The following KIF25 variants were observed in gnomAD, a reference collection of about 807,000 sequenced individuals.
The protein encoded by KIF25 is kinesin family member 25.
Under a neutral mutation model 32.9 loss-of-function variants are expected in KIF25, and 19 were observed. The observed-to-expected ratio is 0.58, with a 90% CI of 0.40 to 0.85. The LOEUF is 0.85. Ranked by LOEUF, KIF25 falls within the 40% of genes least tolerant of loss-of-function variation. KIF25 has a pLI of 0.00. For synonymous variants in KIF25, 225 were observed against 213.7 expected (o/e 1.05, Z -0.46); for missense variants, 485 against 507.0 (o/e 0.96, Z 0.42).
rs56243912 is a variant in KIF25 at position 168,024,423 on chromosome 6, C to CTTTTTT, written c.-94-5044_-94-5039dup. ...GAATAATCTTAGTAAAAACCTCTCT[C>CTTTTTT]TTTTTTTTTTTTTTTTTTTTTTTTT... On this transcript the variant is annotated intron_variant, in intron 5 of 12. Coordinates refer to ENST00000643607, the MANE Select transcript of KIF25 (RefSeq NM_030615.4). Among the ~76,000 whole-genome samples the CTTTTTT allele has an allele frequency of 9.8e-4, 61 of 61,994 alleles. 5 individuals carry two copies. Among genetic ancestry groups the CTTTTTT allele is most frequent in the African/African-American group, 2.6e-3 (39 of 14,800 alleles). 40.7% of individuals were successfully genotyped at this position (61,994 alleles called of 152,430 possible).
At chr6:168,022,462 A>G (rs1177199012) in intron 5 of KIF25, among the ~76,000 whole-genome samples, 2 of 152,108 alleles carry the variant, frequency 1.3e-5, no homozygotes, top group African/African-American at 2.4e-5. Context: ...CTCTCACTCT[A>G]TCACCCAGGC....
chr6:168,043,802 C>T lies in KIF25; in HGVS notation c.986-1025C>T, dbSNP rs183365061. 4.6e-3 allele frequency among the ~76,000 whole-genome samples: 701 copies of T among 152,322 alleles called. 1 individual carries two copies. Among genetic ancestry groups the T allele is most frequent in the Non-Finnish European group, 7.4e-3 (500 of 68,024 alleles). On this transcript the variant is annotated intron_variant, in intron 12 of 12. Transcript: ENST00000643607. Reference sequence around the variant, plus strand: ...CTCTGGGGTCTGCACTTTTCCTCCCCCTTAGCTCTCCCTTCCTTCTCCACT... The same window carrying T: ...CTCTGGGGTCTGCACTTTTCCTCCCTCTTAGCTCTCCCTTCCTTCTCCACT...
At chr6:168,018,106 G>C (rs892270925) in intron 5 of KIF25, 66 bp downstream of exon 5, 1 of 152,414 alleles carries the variant, frequency 6.6e-6, no homozygotes, top group Non-Finnish European at 1.5e-5. Flanking sequence ...TTTGCATTGG[G>C]GTTTGAGTAA....
intron 5 of KIF25, among the ~76,000 whole-genome samples, chr6:168,022,926 A>G (rs1798807713): frequency 6.6e-6 from 1 of 152,028 alleles, no homozygotes; most frequent in Non-Finnish European, 1.5e-5. Flanking sequence ...GGCTCCTTGC[A>G]TTTGGATTCT....
rs558813439 is a variant in KIF25, at chr6:168,038,429, C to G, written c.318-124C>G. Reference sequence around the variant, plus strand: ...TGATCTTCGGGTATGTAACATGCAGCCCTCTGCTCGGACCCCAGCAGTCTT... The same window carrying G: ...TGATCTTCGGGTATGTAACATGCAGGCCTCTGCTCGGACCCCAGCAGTCTT... On this transcript the variant is annotated intron_variant, in intron 8 of 12. Transcript: ENST00000643607. The G allele has an allele frequency of 2.3e-5, 20 of 872,344 alleles. No homozygotes were observed. In the African/African-American group the frequency reaches 2.9e-4, roughly 12 times the overall value. 54.0% of individuals were successfully genotyped at this position (872,344 alleles called of 1,614,324 possible).
chr6:168,003,231 A>C (rs1041208536), intron 3 of KIF25, among the ~76,000 whole-genome samples: 1 of 152,246 alleles, frequency 6.6e-6, no homozygotes, highest in African/African-American at 2.4e-5. Flanking sequence ...TGAAAACAAG[A>C]AATAAAGAAC....
chr6:168,006,194 A>G (rs1206903393), intron 4 of KIF25, among the ~76,000 whole-genome samples: 1 of 151,090 alleles, frequency 6.6e-6, no homozygotes, highest in African/African-American at 2.4e-5. Flanking sequence ...TGGCATGGTG[A>G]TTGTATTCTA....
At chr6:168,033,662 C>A (rs1798973033) in intron 7 of KIF25, among the ~76,000 whole-genome samples, 1 of 152,056 alleles carries the variant, frequency 6.6e-6, no homozygotes, top group African/African-American at 2.4e-5. Flanking sequence ...TGTGTCAGTG[C>A]AAATACCGTT....
At chr6:168,001,661 A>T (rs1409960112) in intron 2 of KIF25, among the ~76,000 whole-genome samples, 1 of 109,168 alleles carries the variant, frequency 9.2e-6, no homozygotes, top group Non-Finnish European at 1.8e-5. Context: ...GGCCTCGGGC[A>T]GGTGAGAAGA....
At chr6:168,013,598 T>A (rs996935997) in intron 4 of KIF25, among the ~76,000 whole-genome samples, 4 of 152,158 alleles carry the variant, frequency 2.6e-5, no homozygotes, top group Non-Finnish European at 5.9e-5. Flanking sequence ...TGGAGCTGTG[T>A]CGTGAATTCT....
chr6:167,998,727 C>T lies in KIF25; in HGVS notation c.-742C>T, dbSNP rs1798456208. Reference sequence around the variant, plus strand: ...GGGATACCCCTTTGCCAAGTGAACACATTTGTGAAGTATGAATCCAGAAGT... The same window carrying T: ...GGGATACCCCTTTGCCAAGTGAACATATTTGTGAAGTATGAATCCAGAAGT... On this transcript the variant is annotated 5_prime_UTR_variant, in exon 1 of 13. Transcript: ENST00000643607. 6.6e-6 allele frequency: 1 copy of T among 152,188 alleles called. No individual in the cohort carries two copies. Among genetic ancestry groups the T allele is most frequent in the Non-Finnish European group, 1.5e-5 (1 of 68,046 alleles). The allele number at this position is 152,188 out of a possible 1,614,324, so 9.4% of individuals were successfully genotyped here.
chr6:168,038,660 T>C lies in KIF25; in HGVS notation c.425T>C (p.Val142Ala), dbSNP rs759640879. Residue 142 changes from valine (V) to alanine (A), a missense_variant, in exon 9 of 13, where the codon GTG becomes GCG. Val to Ala is a moderately conservative substitution (Grantham distance 64). Around this residue, in one of 2 missense-constraint regions of KIF25, gnomAD observed 480 missense variants for 470.3 expected, o/e 1.02. Transcript: ENST00000643607. ...DLLAKDSIAAVSGVKREVVTA... is the reference protein window; with the variant it reads ...DLLAKDSIAAASGVKREVVTA... The stretch of plus-strand genomic sequence containing the variant: ...CTGGCCAAAGACAGCATTGCAGCAG[T>C]GTCGGGGGTCAAGCGTGAGGTGGTG... 3.1e-6 allele frequency: 5 copies of C among 1,614,154 alleles called. No individual in the cohort carries two copies. The highest frequency in any genetic ancestry group is 3.4e-6 in the Non-Finnish European group (4 of 1,180,026).
intron 5 of KIF25, among the ~76,000 whole-genome samples, chr6:168,019,394 G>A (rs971964207): frequency 2.0e-5 from 3 of 152,116 alleles, no homozygotes; most frequent in Non-Finnish European, 4.4e-5. Flanking sequence ...GGAAGTAGAG[G>A]AAAATGTAAA....
chr6:168,044,453 G>A lies in KIF25; in HGVS notation c.986-374G>A, dbSNP rs113376205. ...GCTAGTGACCGGCTGCTGACCCTCCGGGACCTGGGTGAGGGGTGCTAGTGA... is the reference window on the plus strand; with the variant it reads ...GCTAGTGACCGGCTGCTGACCCTCCAGGACCTGGGTGAGGGGTGCTAGTGA... On this transcript the variant is annotated intron_variant, in intron 12 of 12. Coordinates refer to ENST00000643607, the MANE Select transcript of KIF25 (RefSeq NM_030615.4). 6.7e-3 allele frequency among the ~76,000 whole-genome samples: 639 copies of A among 96,068 alleles called. 25 individuals carry two copies. Among genetic ancestry groups the A allele is most frequent in the African/African-American group, 0.025 (597 of 24,360 alleles). 63.0% of individuals were successfully genotyped at this position (96,068 alleles called of 152,430 possible).
intron 5 of KIF25, among the ~76,000 whole-genome samples, chr6:168,024,423 C>CTCTTT (rs1798830658): frequency 4.8e-5 from 3 of 61,992 alleles, no homozygotes; most frequent in African/African-American, 6.8e-5. Flanking sequence ...AAACCTCTCT[C>CTCTTT]TTTTTTTTTT....
intron 10 of KIF25, 80 bp from the exon 11 acceptor site, chr6:168,041,889 T>A (rs1799124331): frequency 7.1e-7 from 1 of 1,416,926 alleles, no homozygotes; most frequent in Non-Finnish European, 9.6e-7. Flanking sequence ...CAGAAGCTTC[T>A]CGGCTCTGAC....
chr6:168,020,576 G>A (rs1462055796), intron 5 of KIF25, among the ~76,000 whole-genome samples: 1 of 152,126 alleles, frequency 6.6e-6, no homozygotes, highest in Non-Finnish European at 1.5e-5. Flanking sequence ...GAGCAACAGT[G>A]TGAAGGCTGG....
intron 2 of KIF25, among the ~76,000 whole-genome samples, chr6:168,000,288 C>T (rs111455306): frequency 1.6e-5 from 2 of 123,088 alleles, no homozygotes; most frequent in Non-Finnish European, 3.4e-5. Context: ...AAACCTGCCC[C>T]TCCCCACTCC....
intron 4 of KIF25, among the ~76,000 whole-genome samples, chr6:168,016,619 G>A (rs1003584313): frequency 1.3e-5 from 2 of 152,226 alleles, no homozygotes; most frequent in African/African-American, 4.8e-5. Flanking sequence ...CTCCCCAACA[G>A]GTGGCATTCT....
Sources: allele counts gnomAD v4.1 joint callset (sites outside exome capture counted in the v4.1 genomes callset), GRCh38; gene constraint gnomAD v4.1.1; regional missense constraint gnomAD v4.1.1; transcripts MANE v1.5; gene names NCBI Gene and HGNC (gene_info 2026-07-23, HGNC 2026-07-21).